Variants in SLC34A2 observed in about 807,000 individuals in gnomAD.
SLC34A2 encodes sodium-dependent phosphate transport protein 2B.
A neutral mutation model predicts 50.8 loss-of-function variants in SLC34A2; 41 were observed. The ratio of observed to expected loss-of-function variants is 0.81; its 90% CI spans 0.63 to 1.05. The LOEUF (loss-of-function observed/expected upper bound fraction) is 1.05, where lower values mean the gene tolerates loss of function less well. SLC34A2 is among the 50% of genes least tolerant of loss of function. The probability of loss-of-function intolerance (pLI) is 0.00; values close to 1 mark genes in which losing one functional copy is unlikely to be tolerated. For missense variants in SLC34A2, 879 were observed against 876.7 expected (o/e 1.00, Z -0.03); for synonymous variants, 401 against 364.2 (o/e 1.10, Z -1.15).
rs778327089 is a variant in SLC34A2 at position 25,676,271 on chromosome 4, ACCTGATCATCTTCTTCTT to A, written c.1603_1620del (p.Ile535_Ile540del). The A allele has an allele frequency of 3.1e-6, 5 of 1,614,126 alleles. No homozygotes were observed. Among genetic ancestry groups the A allele is most frequent in the Non-Finnish European group, 4.2e-6 (5 of 1,180,034 alleles). ...AAGTATCGCTGGTTCGCCGTCTTCT[ACCTGATCATCTTCTTCTT>A]CCTGATCCCGCTGACGGTGTTTGGC... is the stretch of plus-strand genomic sequence containing the variant. On this transcript the variant is annotated inframe_deletion, in exon 13 of 13. Transcript: ENST00000382051.
chr4:25,676,335 G>A lies in SLC34A2; in HGVS notation c.1659G>A (p.Arg553=). The stretch of plus-strand genomic sequence containing the variant: ...TTGGCCTCTCGCTGGCCGGCTGGCG[G>A]GTGCTGGTTGGTGTCGGGGTTCCCG... ...TVFGLSLAGW[R]VLVGVGVPVV... The change falls in exon 13 of 13, where the codon CGG becomes CGA. Residue 553 remains arginine, a synonymous_variant. Transcript: ENST00000382051. The A allele has an allele frequency of 6.2e-7, 1 of 1,614,176 alleles. No homozygotes were observed. Among genetic ancestry groups the A allele is most frequent in the South Asian group, 1.1e-5 (1 of 91,078 alleles).
intron 9 of SLC34A2, 147 bp downstream of exon 9, chr4:25,671,868 C>A (rs1340774092): frequency 8.7e-7 from 1 of 1,148,540 alleles, no homozygotes; most frequent in Non-Finnish European, 1.3e-6. Flanking sequence ...AACATGCTTT[C>A]ACAGCAGAGG....
Position 25,667,994 on chromosome 4 carries a change from A to G in SLC34A2, c.635+3A>G. On this transcript the variant is annotated splice_donor_region_variant and intron_variant, in intron 6 of 12. Coordinates refer to ENST00000382051, the MANE Select transcript of SLC34A2 (RefSeq NM_006424.3). ...GGAGATCGGAGTGAGTTCAGAAGGT[A>G]AGAGGCTCAAAACCAGCCTTTGCGA... 3 of 1,590,902 alleles carry G rather than the reference A, an allele frequency of 1.9e-6. No homozygotes were observed. Among genetic ancestry groups the G allele is most frequent in the Non-Finnish European group, 8.6e-7 (1 of 1,159,050 alleles).
Position 25,669,851 on chromosome 4 carries a change from G to GT in SLC34A2, c.831+9_831+10insT. ...CAAAGCTCATTGTCCAGGTAACTTA[G>GT]CTCCTTCAGAGAGAGAAGGAGACTA... On this transcript the variant is annotated intron_variant, in intron 7 of 12. Transcript: ENST00000382051. 1 of 1,612,826 alleles carries GT rather than the reference G, an allele frequency of 6.2e-7. No homozygotes were observed. The highest frequency in any genetic ancestry group is 1.7e-5 in the Admixed American group (1 of 60,026).
At chr4:25,659,752 C>T (rs1714081773) in intron 1 of SLC34A2, among the ~76,000 whole-genome samples, 1 of 152,198 alleles carries the variant, frequency 6.6e-6, no homozygotes, top group South Asian at 2.1e-4. Context: ...AGCCCTCCCT[C>T]ACTGTGATTC....
In SLC34A2 at chr4:25,676,564, T is replaced by C. The variant is rs77129821; in HGVS notation, c.1888T>C (p.Cys630Arg). Residue 630 changes from cysteine to arginine, a missense_variant, in exon 13 of 13, where the codon TGC (cysteine) becomes CGC (arginine). Physicochemically the swap from Cys to Arg is radical, Grantham distance 180. Coordinates refer to ENST00000382051, the MANE Select transcript of SLC34A2 (RefSeq NM_006424.3). The part of the protein sequence containing the change: ...CCCRVCCRAC[C>R]LLCDCPKCCR... ...CTGCCGCGTGTGCTGCCGCGCGTGC[T>C]GCTTGCTGTGTGACTGCCCCAAGTG... is the stretch of plus-strand genomic sequence containing the variant. 5.6e-6 allele frequency: 9 copies of C among 1,612,698 alleles called. No individual in the cohort carries two copies. The East Asian group carries it at 8.9e-5, about 16-fold the overall frequency.
intron 1 of SLC34A2, among the ~76,000 whole-genome samples, chr4:25,657,517 C>A (rs1206954099): frequency 6.6e-6 from 1 of 152,092 alleles, no homozygotes; most frequent in Non-Finnish European, 1.5e-5. Context: ...AACCTCCCCC[C>A]CCAATACAAT....
intron 1 of SLC34A2, among the ~76,000 whole-genome samples, chr4:25,658,262 C>T (rs1456342361): frequency 6.6e-6 from 1 of 152,170 alleles, no homozygotes; most frequent in Non-Finnish European, 1.5e-5. Flanking sequence ...ACCATGTGCC[C>T]AGCACTGTCC....
chr4:25,664,057 G>A, intron 3 of SLC34A2, 145 bp from the exon 4 acceptor site: 1 of 804,418 alleles, frequency 1.2e-6, no homozygotes, highest in Non-Finnish European at 2.2e-6. Flanking sequence ...TGTAAGGCTG[G>A]CTAGACATAA....
At chr4:25,672,986 G>T in intron 9 of SLC34A2, 101 bp from the exon 10 acceptor site, 1 of 1,323,906 alleles carries the variant, frequency 7.6e-7, no homozygotes. Context: ...CTAACAACCA[G>T]GAATCTGTTT....
rs969256701 is a variant in SLC34A2, at chr4:25,666,814, A to G, written c.523+543A>G. On this transcript the variant is annotated intron_variant, in intron 5 of 12. Transcript: ENST00000382051. Reference sequence around the variant, plus strand: ...GACAACCGAGCTTGGGAGATGGCACACTAAACTTGTACCTGTCTGATAATT... The same window carrying G: ...GACAACCGAGCTTGGGAGATGGCACGCTAAACTTGTACCTGTCTGATAATT... 7.2e-5 allele frequency: 11 copies of G among 153,794 alleles called. 1 individual carries two copies. The highest frequency in any genetic ancestry group is 1.9e-4 in the Admixed American group (3 of 15,592). 9.5% of individuals were successfully genotyped at this position (153,794 alleles called of 1,614,324 possible).
At chr4:25,659,288 T>C (rs898371731) in intron 1 of SLC34A2, among the ~76,000 whole-genome samples, 8 of 152,132 alleles carry the variant, frequency 5.3e-5, no homozygotes, top group Non-Finnish European at 1.2e-4. Flanking sequence ...CCTTGGTAGA[T>C]TTAATGAGGT....
intron 5 of SLC34A2, 45 bp downstream of exon 5, chr4:25,666,316 C>A (rs753127289): frequency 6.2e-7 from 1 of 1,608,438 alleles, no homozygotes; most frequent in Non-Finnish European, 8.5e-7. Flanking sequence ...CAGACACTCT[C>A]CTGTCTATCT....
intron 7 of SLC34A2, among the ~76,000 whole-genome samples, chr4:25,670,333 G>C (rs1410487256): frequency 1.3e-5 from 2 of 152,190 alleles, no homozygotes; most frequent in African/African-American, 4.8e-5. Context: ...TGGTTACTTT[G>C]ACTTCCATAA....
At chr4:25,674,201 T>C (rs1560241739) in intron 10 of SLC34A2, 95 bp from the exon 11 acceptor site, 21 of 813,852 alleles carry the variant, frequency 2.6e-5, no homozygotes, top group East Asian at 5.0e-5. Context: ...TATGGGATGA[T>C]GTACAACCTC....
Position 25,676,216 on chromosome 4 carries a change from A to T in SLC34A2, c.1540A>T (p.Met514Leu), listed in dbSNP as rs960372872. ...PIPFTRLPIR[M>L]AKGLGNISAK... Reference sequence around the variant, plus strand: ...CCCGTTCACTCGCCTGCCCATCCGCATGGCCAAGGGGCTGGGCAACATCTC... The same window carrying T: ...CCCGTTCACTCGCCTGCCCATCCGCTTGGCCAAGGGGCTGGGCAACATCTC... Residue 514 changes from methionine to leucine, a missense_variant, in exon 13 of 13, where the codon ATG becomes TTG. Physicochemically the swap from Met to Leu is conservative, Grantham distance 15. Coordinates refer to ENST00000382051, the MANE Select transcript of SLC34A2 (RefSeq NM_006424.3). The T allele has an allele frequency of 6.2e-7, 1 of 1,614,026 alleles. No individual in the cohort carries two copies. Among genetic ancestry groups the T allele is most frequent in the African/African-American group, 1.3e-5 (1 of 74,906 alleles).
At position 25,662,548 on chromosome 4, in the gene SLC34A2, G is replaced by T; in HGVS notation, c.48G>T (p.Lys16Asn). Residue 16 changes from lysine to asparagine, a missense_variant, in exon 2 of 13, where the codon AAG (lysine) becomes AAT (asparagine). Coordinates refer to ENST00000382051, the MANE Select transcript of SLC34A2 (RefSeq NM_006424.3). ...ELGDAQPNPD[K>N]YLEGAAGQQP... ...GAGATGCCCAGCCCAACCCCGATAAGTACCTCGAAGGGGCCGCAGGTCAGC... is the reference window on the plus strand; with the variant it reads ...GAGATGCCCAGCCCAACCCCGATAATTACCTCGAAGGGGCCGCAGGTCAGC... 1 of 1,614,016 alleles carries T rather than the reference G, an allele frequency of 6.2e-7. No homozygotes were observed. Among genetic ancestry groups the T allele is most frequent in the Non-Finnish European group, 8.5e-7 (1 of 1,180,012 alleles).
intron 1 of SLC34A2, among the ~76,000 whole-genome samples, chr4:25,658,882 C>T (rs887027931): frequency 6.6e-6 from 1 of 151,534 alleles, no homozygotes; most frequent in African/African-American, 2.4e-5. Context: ...ACATTCTCTG[C>T]CTGCACCATT....
chr4:25,675,862 T>C (rs1039580350), intron 12 of SLC34A2, among the ~76,000 whole-genome samples: 1 of 152,216 alleles, frequency 6.6e-6, no homozygotes, highest in African/African-American at 2.4e-5. Flanking sequence ...AGCCTCCATT[T>C]TCTCATGTCA....
Sources: allele counts gnomAD v4.1 joint callset (sites outside exome capture counted in the v4.1 genomes callset), GRCh38; gene constraint gnomAD v4.1.1; transcripts MANE v1.5; gene names NCBI Gene and HGNC (gene_info 2026-07-23, HGNC 2026-07-21).